Variants in FHAD1 observed in about 807,000 individuals in gnomAD.
FHAD1 encodes forkhead-associated domain-containing protein 1.
FHAD1 carries 146 observed loss-of-function variants against 191.3 expected under a neutral mutation model. The ratio of observed to expected loss-of-function variants is 0.76; its 90% CI spans 0.67 to 0.88. The LOEUF (loss-of-function observed/expected upper bound fraction) is 0.88. FHAD1 is among the 40% of genes least tolerant of loss of function. The probability of loss-of-function intolerance (pLI) is 0.00; values close to 1 mark genes in which losing one functional copy is unlikely to be tolerated. For missense variants in FHAD1, 1,635 were observed against 1,785.8 expected, an observed-to-expected ratio of 0.92 and a Z score of 1.52; for synonymous variants, 616 against 672.3, an observed-to-expected ratio of 0.92 and a Z score of 1.29.
At position 15,329,226 on chromosome 1, in the gene FHAD1, G is replaced by A. The variant is rs1445520593; in HGVS notation, c.1711-120G>A. ...GAAAAAAACTGAGTCCTCCCAAGGC[G>A]GCCAATACGTGGCGCTGCCTGCTTC... is the stretch of plus-strand genomic sequence containing the variant. On this transcript the variant is annotated intron_variant, in intron 13 of 33. Transcript: ENST00000688493. This position sits in a 1 kb window ranked among gnomAD's most constrained non-coding sequence, Gnocchi z 5.0. 8.0e-6 allele frequency: 6 copies of A among 746,446 alleles called. No individual in the cohort carries two copies. The highest frequency in any genetic ancestry group is 2.8e-5 in the South Asian group (1 of 35,288). 46.2% of individuals were successfully genotyped at this position (746,446 alleles called of 1,614,324 possible). A position where few individuals can be genotyped will look rare whatever the true frequency, so the allele number is the denominator to read the frequency against.
chr1:15,359,137 T>C (rs1693814589), intron 21 of FHAD1, among the ~76,000 whole-genome samples: 1 of 151,760 alleles, frequency 6.6e-6, no homozygotes, highest in African/African-American at 2.4e-5. Flanking sequence ...TCTGGGGTCA[T>C]GGTGGGGGGT....
intron 31 of FHAD1, chr1:15,383,336 C>T (rs6670516): frequency 0.066 from 28,528 of 434,416 alleles, 3,233 homozygotes; most frequent in African/African-American, 0.34. Context: ...CACCAGCCGG[C>T]GGACACTGCC....
Position 15,276,781 on chromosome 1 carries a change from G to A in FHAD1, c.300+4252G>A, listed in dbSNP as rs1658524860. Among the ~76,000 whole-genome samples, 1 of 150,952 alleles carries A rather than the reference G, an allele frequency of 6.6e-6. No homozygotes were observed. Among genetic ancestry groups the A allele is most frequent in the African/African-American group, 2.4e-5 (1 of 40,980 alleles). On this transcript the variant is annotated intron_variant, in intron 3 of 33. Coordinates refer to ENST00000688493, the MANE Select transcript of FHAD1 (RefSeq NM_001391957.1). This position sits in a 1 kb window ranked among gnomAD's most constrained non-coding sequence, Gnocchi z 4.7. Reference sequence around the variant, plus strand: ...CATGCCACAGCCTGGGCAACAGAGTGAGACTCTCTCAAAAAAAAAAAAAGT... The same window carrying A: ...CATGCCACAGCCTGGGCAACAGAGTAAGACTCTCTCAAAAAAAAAAAAAGT...
chr1:15,269,554 T>C (rs771978141), intron 2 of FHAD1, among the ~76,000 whole-genome samples: 3 of 152,234 alleles, frequency 2.0e-5, no homozygotes, highest in African/African-American at 4.8e-5. Context: ...TTTAAATTCA[T>C]TGAGGTGTGT....
At chr1:15,238,930 G>C (rs1376513583) in intron 1 of FHAD1, among the ~76,000 whole-genome samples, 1 of 152,066 alleles carries the variant, frequency 6.6e-6, no homozygotes, top group Non-Finnish European at 1.5e-5. Context: ...TTTAAGAGAC[G>C]GGGGTCTCAC....
intron 22 of FHAD1, 100 bp downstream of exon 22, chr1:15,360,803 T>C (rs1248224308): frequency 2.0e-6 from 2 of 980,470 alleles, no homozygotes; most frequent in African/African-American, 3.3e-5. Flanking sequence ...AGGCCGTGCC[T>C]CATTCGAAAG....
chr1:15,249,561 T>C lies in FHAD1; in HGVS notation c.-15+2166T>C, dbSNP rs184082134. Among the ~76,000 whole-genome samples, 199 of 152,350 alleles carry C rather than the reference T, an allele frequency of 1.3e-3. 2 individuals are homozygous for C. Among genetic ancestry groups the C allele is most frequent in the African/African-American group, 3.6e-3 (148 of 41,590 alleles). On this transcript the variant is annotated intron_variant, in intron 1 of 33. Coordinates refer to ENST00000688493, the MANE Select transcript of FHAD1 (RefSeq NM_001391957.1). ...ACTTAAAAATAAAATTCTCATTATA[T>C]GAAAGTATTAATATTTCTGAGGATT...
Position 15,396,967 on chromosome 1 carries a change from G to A in FHAD1, c.4324-330G>A, listed in dbSNP as rs1027674305. ...TGGGAGGCCAAGACGGGCGGATCACGAGGTCAGGAGATCAAGACCATCCTG... is the reference window on the plus strand; with the variant it reads ...TGGGAGGCCAAGACGGGCGGATCACAAGGTCAGGAGATCAAGACCATCCTG... On this transcript the variant is annotated intron_variant, in intron 33 of 33. Transcript: ENST00000688493. 2.7e-5 allele frequency among the ~76,000 whole-genome samples: 4 copies of A among 150,284 alleles called. No homozygotes were observed. The South Asian group carries it at 6.3e-4, about 24-fold the overall frequency.
chr1:15,397,020 TAAAAAAAAA>T (rs5772637), intron 33 of FHAD1, among the ~76,000 whole-genome samples: 1 of 115,954 alleles, frequency 8.6e-6, no homozygotes, highest in South Asian at 2.9e-4. Flanking sequence ...CCGTCTCTAC[TAAAAAAAAA>T]AAAAAAAAAA....
rs570569622 is a variant in FHAD1 at position 15,389,447 on chromosome 1, C to CAAAAAAAAAAAAAAAAAAAAAAAAAAA, written c.4269+1337_4269+1338insAAAAAAAAAAAAAAAAAAAAAAAAAAA. On this transcript the variant is annotated intron_variant, in intron 32 of 33. Transcript: ENST00000688493. Reference sequence around the variant, plus strand: ...TGAGCAACAGAGGAAGAACCTGTCTCAAAAAAAAAAAAAAAAAAAAACCTG... The same window carrying CAAAAAAAAAAAAAAAAAAAAAAAAAAA: ...TGAGCAACAGAGGAAGAACCTGTCTCAAAAAAAAAAAAAAAAAAAAAAAAAAAAAAAAAAAAAAAAAAAAAAAACCTG... Among the ~76,000 whole-genome samples, 78 of 54,216 alleles carry CAAAAAAAAAAAAAAAAAAAAAAAAAAA rather than the reference C, an allele frequency of 1.4e-3. 6 individuals carry two copies. The highest frequency in any genetic ancestry group is 4.3e-3 in the East Asian group (8 of 1,856). The allele number at this position is 54,216 out of a possible 152,430, so 35.6% of individuals were successfully genotyped here. A position where few individuals can be genotyped will look rare whatever the true frequency, so the allele number is the denominator to read the frequency against.
intron 32 of FHAD1, among the ~76,000 whole-genome samples, chr1:15,390,947 C>T (rs1404652844): frequency 1.3e-5 from 2 of 152,054 alleles, no homozygotes; most frequent in Admixed American, 1.3e-4. Flanking sequence ...GCAGCCTCCA[C>T]CTCTGCTGGA....
At chr1:15,265,970 CAAAA>C (rs531702447) in intron 2 of FHAD1, among the ~76,000 whole-genome samples, 2 of 78,714 alleles carry the variant, frequency 2.5e-5, no homozygotes, top group Admixed American at 1.6e-4. Flanking sequence ...GACTCCATCT[CAAAA>C]AAAAAAAAAA....
At chr1:15,243,444 A>G (rs908687744), upstream of FHAD1, among the ~76,000 whole-genome samples, 1 of 152,182 alleles carries the variant, frequency 6.6e-6, no homozygotes, top group Non-Finnish European at 1.5e-5. Context: ...CTTTCATGCC[A>G]TAGAGGCTGA....
chr1:15,397,270 G>A, intron 33 of FHAD1, 27 bp from the exon 34 acceptor site: 1 of 1,132,304 alleles, frequency 8.8e-7, no homozygotes, highest in Non-Finnish European at 1.3e-6. Context: ...AATGGAGTTT[G>A]TGTGTTTTTT....
intron 1 of FHAD1, among the ~76,000 whole-genome samples, chr1:15,240,678 G>A (rs1479229657): frequency 1.3e-5 from 2 of 151,018 alleles, no homozygotes; most frequent in Non-Finnish European, 2.9e-5. Flanking sequence ...AGCAGATCGG[G>A]CCGGGCGTGG....
intron 16 of FHAD1, among the ~76,000 whole-genome samples, chr1:15,344,103 G>T (rs2102314135): frequency 6.6e-6 from 1 of 152,260 alleles, no homozygotes; most frequent in Non-Finnish European, 1.5e-5. Flanking sequence ...GTCCCTGCCA[G>T]ACAGACTGTG....
At chr1:15,388,509 C>A in intron 32 of FHAD1, 1 of 515,834 alleles carries the variant, frequency 1.9e-6, no homozygotes, top group Non-Finnish European at 2.8e-6. Flanking sequence ...GACTTGGAGG[C>A]AAGGTCCTAA....
At chr1:15,354,641 G>T (rs1692102051) in intron 20 of FHAD1, among the ~76,000 whole-genome samples, 1 of 151,996 alleles carries the variant, frequency 6.6e-6, no homozygotes, top group African/African-American at 2.4e-5. Context: ...AAGTAGGTAA[G>T]TTGGGACATA....
At chr1:15,351,603 C>T (rs986723652) in intron 19 of FHAD1, among the ~76,000 whole-genome samples, 2 of 152,116 alleles carry the variant, frequency 1.3e-5, no homozygotes, top group Non-Finnish European at 2.9e-5. Flanking sequence ...ATTGGATGCA[C>T]TAATACATTC....
Sources: gnomAD v4.1 joint callset for allele counts (sites outside exome capture counted in the v4.1 genomes callset) on GRCh38, gnomAD v4.1.1 for gene constraint, Gnocchi (gnomAD v3.1) non-coding constraint, MANE v1.5 for transcripts, NCBI Gene and HGNC (gene_info 2026-07-23, HGNC 2026-07-21) for gene names.